The following PPP1R7 variants were observed in gnomAD, a reference collection of about 807,000 sequenced individuals.
PPP1R7 encodes protein phosphatase 1 regulatory subunit 22.
Under a neutral mutation model 45.2 loss-of-function variants are expected in PPP1R7, and 18 were observed. The observed-to-expected ratio is 0.40, with a 90% CI of 0.28 to 0.59. The LOEUF is 0.59. Ranked by LOEUF, PPP1R7 falls within the 20% of genes least tolerant of loss-of-function variation. The pLI is 0.46. For missense variants in PPP1R7, 314 were observed against 455.8 expected, an observed-to-expected ratio of 0.69 and a Z score of 2.83; for synonymous variants, 181 against 183.4, an observed-to-expected ratio of 0.99 and a Z score of 0.11.
chr2:241,182,848 CCCTCT>C lies in PPP1R7; in HGVS notation c.*30_*34del. 1 of 1,598,138 alleles carries C rather than the reference CCCTCT, an allele frequency of 6.3e-7. No homozygotes were observed. Among genetic ancestry groups the C allele is most frequent in the South Asian group, 1.1e-5 (1 of 90,682 alleles). Reference sequence around the variant, plus strand: ...AGTCCTTCTTGGCTCCTCATGTGGTCCCTCTCCTCGGAAGAACTGCCCAGCCACGG... The same window carrying C: ...AGTCCTTCTTGGCTCCTCATGTGGTCCCTCGGAAGAACTGCCCAGCCACGG... On this transcript the variant is annotated 3_prime_UTR_variant, in exon 10 of 10. Coordinates refer to ENST00000234038, the MANE Select transcript of PPP1R7 (RefSeq NM_002712.3).
At chr2:241,168,698 GAC>G (rs1318693909) in intron 8 of PPP1R7, among the ~76,000 whole-genome samples, 2 of 152,172 alleles carry the variant, frequency 1.3e-5, no homozygotes, top group Admixed American at 1.3e-4. Context: ...CGTCAGACTT[GAC>G]ACACGCAGCT....
intron 1 of PPP1R7, among the ~76,000 whole-genome samples, chr2:241,151,801 C>T (rs2067318505): frequency 6.6e-6 from 1 of 152,194 alleles, no homozygotes; most frequent in African/African-American, 2.4e-5. Context: ...ATCTCCAAAT[C>T]TCCGATACGT....
upstream of PPP1R7, chr2:241,149,723 G>C: frequency 6.5e-7 from 1 of 1,549,404 alleles, no homozygotes; most frequent in Non-Finnish European, 8.7e-7. Context: ...GTAGCGCAGA[G>C]CTCGCCTCTT....
chr2:241,173,720 C>T (rs2067858572), intron 9 of PPP1R7, among the ~76,000 whole-genome samples: 1 of 152,210 alleles, frequency 6.6e-6, no homozygotes, highest in Non-Finnish European at 1.5e-5. Flanking sequence ...TAGCGAGGCC[C>T]CTGAGGCCAT....
At position 241,159,222 on chromosome 2, in the gene PPP1R7, C is replaced by A; in HGVS notation, c.313C>A (p.Leu105Ile). The A allele has an allele frequency of 6.2e-7, 1 of 1,613,572 alleles. No individual in the cohort carries two copies. The highest frequency in any genetic ancestry group is 8.5e-7 in the Non-Finnish European group (1 of 1,179,658). Residue 105 changes from leucine to isoleucine, a missense_variant, in exon 5 of 10, where the codon CTC becomes ATC. Around this residue, in one of 3 missense-constraint regions of PPP1R7, gnomAD observed 112 missense variants for 144.5 expected, o/e 0.78. Transcript: ENST00000234038. ...TTTTCCCATCCCCCAGACTCTCTGC[C>A]TCCGCCAAAATTTAATTAAATGCAT... is the stretch of plus-strand genomic sequence containing the variant. ...EVLKKVKTLC[L>I]RQNLIKCIEN...
intron 2 of PPP1R7, among the ~76,000 whole-genome samples, chr2:241,153,865 T>C (rs2067379653): frequency 6.6e-6 from 1 of 152,156 alleles, no homozygotes; most frequent in South Asian, 2.1e-4. Flanking sequence ...ATATGGGTAC[T>C]AGTATGCCGT....
chr2:241,174,144 T>A (rs1008398808), intron 9 of PPP1R7, among the ~76,000 whole-genome samples: 1 of 152,352 alleles, frequency 6.6e-6, no homozygotes, highest in East Asian at 1.9e-4. Context: ...TAAGCTTTAT[T>A]AGAGTACATC....
chr2:241,171,656 T>A (rs1465076321), intron 9 of PPP1R7, among the ~76,000 whole-genome samples: 1 of 152,262 alleles, frequency 6.6e-6, no homozygotes. Context: ...ACTATAATTG[T>A]CAATGGATCC....
At chr2:241,159,467 C>T (rs1381403746) in intron 5 of PPP1R7, 124 bp downstream of exon 5, 1 of 1,246,628 alleles carries the variant, frequency 8.0e-7, no homozygotes, top group Non-Finnish European at 1.1e-6. Context: ...GCCACAGGGT[C>T]CTGCCCTGCA....
chr2:241,165,394 T>A (rs962519440), intron 7 of PPP1R7, among the ~76,000 whole-genome samples: 7 of 152,196 alleles, frequency 4.6e-5, no homozygotes, highest in African/African-American at 1.7e-4. Context: ...CTCAAACTCC[T>A]GACCTCAGGT....
upstream of PPP1R7, chr2:241,150,277 T>C (rs543557929): frequency 2.8e-5 from 37 of 1,319,452 alleles, no homozygotes; most frequent in East Asian, 8.0e-4. Context: ...CTCCAGACTG[T>C]TCCGGCTCCG....
Position 241,150,560 on chromosome 2 carries a change from T to G in PPP1R7, c.52+13T>G. 2.5e-6 allele frequency: 4 copies of G among 1,586,564 alleles called. No homozygotes were observed. The highest frequency in any genetic ancestry group is 3.4e-6 in the Non-Finnish European group (4 of 1,168,884). On this transcript the variant is annotated intron_variant, in intron 1 of 9. Coordinates refer to ENST00000234038, the MANE Select transcript of PPP1R7 (RefSeq NM_002712.3). ...GAGATGATGGAGGGTGAGCGGCCCC[T>G]GCGGGCGGCGGCCCAAGGGCCCAGC... is the stretch of plus-strand genomic sequence containing the variant.
chr2:241,182,437 G>A (rs2068020931), intron 9 of PPP1R7, among the ~76,000 whole-genome samples: 1 of 152,206 alleles, frequency 6.6e-6, no homozygotes, highest in Non-Finnish European at 1.5e-5. Context: ...GCCCAGGGTT[G>A]GCTATGGACA....
intron 9 of PPP1R7, 111 bp downstream of exon 9, chr2:241,169,978 A>G (rs1266545099): frequency 1.0e-5 from 9 of 862,286 alleles, no homozygotes; most frequent in Middle Eastern, 3.4e-4. Context: ...ATGCTGAGTG[A>G]CTCCGCACAT....
chr2:241,159,050 G>T, intron 4 of PPP1R7, 163 bp from the exon 5 acceptor site: 1 of 827,952 alleles, frequency 1.2e-6, no homozygotes, highest in Non-Finnish European at 1.9e-6. Context: ...TAGTGCCCTT[G>T]CCCACCTGCC....
chr2:241,155,690 G>T (rs1009880911), intron 2 of PPP1R7, among the ~76,000 whole-genome samples: 1 of 152,150 alleles, frequency 6.6e-6, no homozygotes, highest in Non-Finnish European at 1.5e-5. Context: ...AAAGCCATGC[G>T]ACCGTGTGTC....
intron 2 of PPP1R7, chr2:241,154,982 A>G (rs1293528581): frequency 6.6e-6 from 1 of 152,244 alleles, no homozygotes; most frequent in Non-Finnish European, 1.5e-5. Context: ...AGTCACAAGG[A>G]GATTACCACA....
intron 7 of PPP1R7, among the ~76,000 whole-genome samples, chr2:241,164,698 A>G (rs1022129876): frequency 6.6e-6 from 1 of 152,184 alleles, no homozygotes; most frequent in Non-Finnish European, 1.5e-5. Context: ...CAGGAGTTCA[A>G]GACCAGCCTG....
intron 6 of PPP1R7, among the ~76,000 whole-genome samples, chr2:241,162,433 G>A (rs1419333517): frequency 6.6e-6 from 1 of 152,220 alleles, no homozygotes. Flanking sequence ...ACATCCTGCT[G>A]TAGGCAAGTC....
Sources: gnomAD v4.1 joint callset for allele counts (sites outside exome capture counted in the v4.1 genomes callset) on GRCh38, gnomAD v4.1.1 for gene constraint, gnomAD v4.1.1 regional missense constraint, MANE v1.5 for transcripts, NCBI Gene and HGNC (gene_info 2026-07-23, HGNC 2026-07-21) for gene names.